The following PCDHA11 variants were observed in gnomAD, a reference collection of about 807,000 sequenced individuals.
PCDHA11 encodes protocadherin alpha-11.
PCDHA11 carries 61 observed loss-of-function variants against 70.3 expected under a neutral mutation model. That is an observed-to-expected ratio of 0.87 (90% CI 0.71 to 1.07). The LOEUF (loss-of-function observed/expected upper bound fraction) is 1.07, where lower values mean the gene tolerates loss of function less well. Ranked by LOEUF, PCDHA11 falls within the 50% of genes least tolerant of loss-of-function variation. The pLI is 0.00. For synonymous variants in PCDHA11, 633 were observed against 555.1 expected, an observed-to-expected ratio of 1.14 and a Z score of -1.97; for missense variants, 1,324 against 1,237.5, an observed-to-expected ratio of 1.07 and a Z score of -1.05.
chr5:140,901,839 A>T (rs578262204), intron 1 of PCDHA11, among the ~76,000 whole-genome samples: 1 of 152,108 alleles, frequency 6.6e-6, no homozygotes, highest in Non-Finnish European at 1.5e-5. Flanking sequence ...TAAACATGCA[A>T]TATCTTTCCA....
At chr5:140,903,608 C>G (rs2070424862) in intron 1 of PCDHA11, among the ~76,000 whole-genome samples, 1 of 152,124 alleles carries the variant, frequency 6.6e-6, no homozygotes, top group African/African-American at 2.4e-5. Flanking sequence ...GCTTAATACA[C>G]ATGAATGTGC....
intron 3 of PCDHA11, among the ~76,000 whole-genome samples, chr5:141,008,970 G>A (rs147776833): frequency 6.6e-6 from 1 of 152,236 alleles, no homozygotes; most frequent in East Asian, 1.9e-4. Flanking sequence ...TACATTTATA[G>A]CCAAAGTTTA....
intron 1 of PCDHA11, among the ~76,000 whole-genome samples, chr5:140,912,408 T>A (rs1376927432): frequency 6.6e-6 from 1 of 152,054 alleles, no homozygotes; most frequent in Non-Finnish European, 1.5e-5. Flanking sequence ...TCAGCTTGGT[T>A]ATTATTGGTG....
chr5:140,991,534 T>C (rs1393603513), intron 3 of PCDHA11, among the ~76,000 whole-genome samples: 1 of 152,236 alleles, frequency 6.6e-6, no homozygotes, highest in African/African-American at 2.4e-5. Context: ...CTTGCCACTA[T>C]ATAACAAGGA....
chr5:140,901,658 G>T (rs1554189962), intron 1 of PCDHA11, among the ~76,000 whole-genome samples: 1 of 151,936 alleles, frequency 6.6e-6, no homozygotes, highest in Admixed American at 6.6e-5. Flanking sequence ...TGTTCTTTTT[G>T]CTCAAGATAC....
At chr5:140,912,385 C>A (rs1323082765) in intron 1 of PCDHA11, among the ~76,000 whole-genome samples, 6 of 148,114 alleles carry the variant, frequency 4.1e-5, no homozygotes, top group African/African-American at 1.5e-4. Context: ...GGATTGAGTT[C>A]TTAATTTGAT....
intron 1 of PCDHA11, among the ~76,000 whole-genome samples, chr5:140,924,252 G>C (rs1306870811): frequency 1.3e-5 from 2 of 152,214 alleles, no homozygotes; most frequent in African/African-American, 4.8e-5. Flanking sequence ...ATCCTGGTGA[G>C]ATCTAATGAG....
intron 1 of PCDHA11, among the ~76,000 whole-genome samples, chr5:140,939,804 G>A (rs2092463605): frequency 6.6e-6 from 1 of 152,140 alleles, no homozygotes; most frequent in Non-Finnish European, 1.5e-5. Flanking sequence ...TGTTCTGCAT[G>A]TTCAAGAAAA....
At chr5:140,926,713 C>G (rs1018008271) in intron 1 of PCDHA11, 16 of 944,684 alleles carry the variant, frequency 1.7e-5, no homozygotes, top group Non-Finnish European at 2.3e-5. Flanking sequence ...CTGGCCAGCC[C>G]CGGCAATGCC....
intron 1 of PCDHA11, among the ~76,000 whole-genome samples, chr5:140,880,156 A>C (rs1301821759): frequency 6.6e-6 from 1 of 152,250 alleles, no homozygotes; most frequent in Non-Finnish European, 1.5e-5. Context: ...TATATCAAGT[A>C]TATGTTAGAA....
chr5:140,882,482 G>A, intron 1 of PCDHA11: 1 of 1,614,048 alleles, frequency 6.2e-7, no homozygotes, highest in South Asian at 1.1e-5. Context: ...CAAAAGACAC[G>A]GGGACCTTCT....
chr5:140,993,519 GAGAC>G (rs1554253814), intron 3 of PCDHA11, among the ~76,000 whole-genome samples: 1 of 151,288 alleles, frequency 6.6e-6, no homozygotes, highest in Non-Finnish European at 1.5e-5. Context: ...CGGGGAGAGA[GAGAC>G]AGAGAGAGAG....
intron 3 of PCDHA11, among the ~76,000 whole-genome samples, chr5:140,986,934 C>T (rs1379562819): frequency 6.6e-6 from 1 of 152,160 alleles, no homozygotes; most frequent in East Asian, 1.9e-4. Flanking sequence ...AGGATGGAGG[C>T]TGGGTGTGGT....
intron 1 of PCDHA11, chr5:140,881,923 AGTGATT>A (rs2058875658): frequency 3.8e-6 from 1 of 262,834 alleles, no homozygotes; most frequent in African/African-American, 2.2e-5. Flanking sequence ...AGCAGAATGC[AGTGATT>A]TGCTGTTTCT....
rs374028253 is a variant in PCDHA11, at chr5:140,876,864, G to C, written c.2391+5370G>C. ...CGCAGCCCGAGTACACAGTGTTCGT[G>C]AAGGAGAACAACCCGCCGGGCTGCC... is the stretch of plus-strand genomic sequence containing the variant. On this transcript the variant is annotated intron_variant, in intron 1 of 3. Transcript: ENST00000398640. The C allele has an allele frequency of 5.1e-5, 82 of 1,614,026 alleles. No individual in the cohort carries two copies. The African/African-American group carries it at 1.0e-3, about 20-fold the overall frequency.
intron 1 of PCDHA11, chr5:140,969,054 A>G (rs782226153): frequency 6.2e-7 from 1 of 1,614,182 alleles, no homozygotes; most frequent in South Asian, 1.1e-5. Context: ...GCCAACAACA[A>G]TATTGATGCC....
chr5:140,883,701 C>T (rs782806604), intron 1 of PCDHA11: 1 of 1,613,808 alleles, frequency 6.2e-7, no homozygotes, highest in Admixed American at 1.7e-5. Flanking sequence ...TTCACGGTGT[C>T]TGCTCAGGAC....
chr5:140,932,016 G>A lies in PCDHA11; in HGVS notation c.2392-46933G>A, dbSNP rs73266047. Among the ~76,000 whole-genome samples, 510 of 151,544 alleles carry A rather than the reference G, an allele frequency of 3.4e-3. 2 individuals carry two copies. Among genetic ancestry groups the A allele is most frequent in the African/African-American group, 0.012 (481 of 41,364 alleles). ...TCTAAGTTCTTTCATTTTAGTTTAC[G>A]GTAAGTTTACAGTATATATTAACAT... On this transcript the variant is annotated intron_variant, in intron 1 of 3. Transcript: ENST00000398640.
rs1554203742 is a variant in PCDHA11 at position 140,926,854 on chromosome 5, G to A, written c.2392-52095G>A. 10 of 1,520,530 alleles carry A rather than the reference G, an allele frequency of 6.6e-6. No homozygotes were observed. In the South Asian group the frequency reaches 1.3e-4, roughly 20 times the overall value. The allele number at this position is 1,520,530 out of a possible 1,614,324, so 94.2% of individuals were successfully genotyped here. On this transcript the variant is annotated intron_variant, in intron 1 of 3. Transcript: ENST00000398640. Reference sequence around the variant, plus strand: ...GGAGCATGGTCCTGGGTCACCGTTGGTGTAGCGTGTTGGTGGAACGTGGAC... The same window carrying A: ...GGAGCATGGTCCTGGGTCACCGTTGATGTAGCGTGTTGGTGGAACGTGGAC...
Sources: gnomAD v4.1 joint callset for allele counts (sites outside exome capture counted in the v4.1 genomes callset) on GRCh38, gnomAD v4.1.1 for gene constraint, MANE v1.5 for transcripts, NCBI Gene and HGNC (gene_info 2026-07-23, HGNC 2026-07-21) for gene names.